Variants in BEGAIN observed in about 807,000 individuals in gnomAD.
BEGAIN encodes the protein brain-enriched guanylate kinase-associated protein.
Under a neutral mutation model 35.8 loss-of-function variants are expected in BEGAIN, and 19 were observed. That is an observed-to-expected ratio of 0.53 (90% CI 0.37 to 0.78). The LOEUF (loss-of-function observed/expected upper bound fraction) is 0.78, where lower values mean the gene tolerates loss of function less well. Ranked by LOEUF, BEGAIN falls within the 30% of genes least tolerant of loss-of-function variation. The pLI is 0.00. For synonymous variants in BEGAIN, 462 were observed against 388.6 expected (o/e 1.19, Z -2.22); for missense variants, 795 against 853.6 (o/e 0.93, Z 0.85).
chr14:100,585,939 A>G (rs905459555), intron 1 of BEGAIN, among the ~76,000 whole-genome samples: 1 of 152,274 alleles, frequency 6.6e-6, no homozygotes, highest in Non-Finnish European at 1.5e-5. Context: ...CATCTGCCAC[A>G]GTGCTTGCTT....
chr14:100,554,888 A>C (rs913065153), intron 2 of BEGAIN, among the ~76,000 whole-genome samples: 1 of 151,700 alleles, frequency 6.6e-6, no homozygotes, highest in Admixed American at 6.6e-5. Flanking sequence ...GGCCCCCCCC[A>C]CCTTCCCGCC....
rs1392980214 is a variant in BEGAIN, at chr14:100,539,131, A to C, written c.677T>G (p.Leu226Arg). Residue 226 changes from leucine to arginine, a missense_variant, in exon 7 of 7, where the codon CTG (leucine) becomes CGG (arginine). By Grantham distance (102) the Leu-to-Arg change is moderately radical (BLOSUM62 -2). Around this residue, in one of 3 missense-constraint regions of BEGAIN, gnomAD observed 664 missense variants for 647.7 expected, o/e 1.03. Transcript: ENST00000554140. ...SRLSDASARD[L>R]AFCDGVEKPG... ...TTTCTCCACCCCGTCGCAGAAGGCC[A>C]GGTCGCGGGCGGAGGCATCGGACAG... 2 of 1,605,084 alleles carry C rather than the reference A, an allele frequency of 1.2e-6. No individual in the cohort carries two copies. The highest frequency in any genetic ancestry group is 8.5e-7 in the Non-Finnish European group (1 of 1,174,114).
chr14:100,561,189 G>A (rs866219050), intron 2 of BEGAIN, among the ~76,000 whole-genome samples: 4 of 152,162 alleles, frequency 2.6e-5, no homozygotes, highest in Non-Finnish European at 4.4e-5. Flanking sequence ...GGAAGAGCTG[G>A]CCCCGCCCCC....
At chr14:100,551,010 C>T (rs146803536) in intron 2 of BEGAIN, among the ~76,000 whole-genome samples, 87 of 152,234 alleles carry the variant, frequency 5.7e-4, no homozygotes, top group Middle Eastern at 6.8e-3. Flanking sequence ...CTGCATCTGT[C>T]GGGTGCCTGC....
chr14:100,582,058 G>T (rs1200667010), intron 1 of BEGAIN, among the ~76,000 whole-genome samples: 6 of 152,264 alleles, frequency 3.9e-5, no homozygotes, highest in African/African-American at 1.2e-4. Context: ...TGCGCCAGGG[G>T]CCGCAGCATA....
At chr14:100,583,692 CTTTTTTT>C (rs56090356) in intron 1 of BEGAIN, among the ~76,000 whole-genome samples, 1 of 108,980 alleles carries the variant, frequency 9.2e-6, no homozygotes. Flanking sequence ...GTTTTTCTTC[CTTTTTTT>C]TTTTTTTTTT....
chr14:100,538,341 G>T lies in BEGAIN; in HGVS notation c.1467C>A (p.Ser489Arg), dbSNP rs375595986. The change falls in exon 7 of 7, where the codon AGC becomes AGA. Residue 489 changes from serine (S) to arginine (R), a missense_variant. Ser to Arg is a moderately radical substitution (Grantham distance 110, BLOSUM62 -1). Transcript: ENST00000554140. ...CCTCGGAGAAGCTGTCGGCCTTGTA[G>T]CTGGCGTAGAGCGGGCTGGCGCGGC... ...ADGRASPLYA[S>R]YKADSFSEGD... 3 of 1,519,196 alleles carry T rather than the reference G, an allele frequency of 2.0e-6. No individual in the cohort carries two copies. Among genetic ancestry groups the T allele is most frequent in the Non-Finnish European group, 1.8e-6 (2 of 1,140,626 alleles). The allele number at this position is 1,519,196 out of a possible 1,614,324, so 94.1% of individuals were successfully genotyped here.
rs1432171672 is a variant in BEGAIN at position 100,563,406 on chromosome 14, A to G, written c.71+4505T>C. Reference sequence around the variant, plus strand: ...AAAACCTGACACATTCAACAAAATTAAAATTAAGAACTTTTGTTCATAGAA... The same window carrying G: ...AAAACCTGACACATTCAACAAAATTGAAATTAAGAACTTTTGTTCATAGAA... On this transcript the variant is annotated intron_variant, in intron 2 of 6. Transcript: ENST00000554140. This position sits in a 1 kb window ranked among gnomAD's most constrained non-coding sequence, Gnocchi z 4.2. Among the ~76,000 whole-genome samples, 1 of 152,242 alleles carries G rather than the reference A, an allele frequency of 6.6e-6. No homozygotes were observed. The highest frequency in any genetic ancestry group is 1.5e-5 in the Non-Finnish European group (1 of 68,048).
Position 100,568,239 on chromosome 14 carries a change from C to T in BEGAIN, c.43-300G>A. On this transcript the variant is annotated intron_variant, in intron 1 of 6. Transcript: ENST00000554140. The surrounding 1 kb of genome is among the most constrained non-coding windows in gnomAD (Gnocchi z 7.5). ...GGGATGGCCCGGCCAGGGGCGATCTCGGCCTCGCCCGGAGGAGGGGGACTC... is the reference window on the plus strand; with the variant it reads ...GGGATGGCCCGGCCAGGGGCGATCTTGGCCTCGCCCGGAGGAGGGGGACTC... 2 of 632,976 alleles carry T rather than the reference C, an allele frequency of 3.2e-6. No homozygotes were observed. The highest frequency in any genetic ancestry group is 4.4e-6 in the Non-Finnish European group (2 of 456,900). 39.2% of individuals were successfully genotyped at this position (632,976 alleles called of 1,614,324 possible).
At position 100,538,069 on chromosome 14, in the gene BEGAIN, C is replaced by T. The variant is rs115217155; in HGVS notation, c.1739G>A (p.Arg580His). The change falls in exon 7 of 7, where the codon CGC (arginine) becomes CAC (histidine). Residue 580 changes from arginine (R) to histidine (H), a missense_variant. By Grantham distance (29) the Arg-to-His change is conservative. Transcript: ENST00000554140. Reference sequence around the variant, plus strand: ...CGGAAAGGCCTGCTGGGGGCTGAGGCGGGCGGCAGGATGCATTTCCGGGGA... The same window carrying T: ...CGGAAAGGCCTGCTGGGGGCTGAGGTGGGCGGCAGGATGCATTTCCGGGGA... ...EASPEMHPAA[R>H]LSPQQAFPRT... 1.3e-6 allele frequency: 2 copies of T among 1,595,396 alleles called. No individual in the cohort carries two copies. The highest frequency in any genetic ancestry group is 1.3e-5 in the African/African-American group (1 of 74,082).
intron 1 of BEGAIN, among the ~76,000 whole-genome samples, chr14:100,575,419 T>C (rs2139751139): frequency 6.6e-6 from 1 of 152,290 alleles, no homozygotes; most frequent in Non-Finnish European, 1.5e-5. Flanking sequence ...CTTCCCCAGT[T>C]ATCTCTAATG....
rs1026574816 is a variant in BEGAIN, at chr14:100,558,973, G to T, written c.71+8938C>A. On this transcript the variant is annotated intron_variant, in intron 2 of 6. Transcript: ENST00000554140. This position sits in a 1 kb window ranked among gnomAD's most constrained non-coding sequence, Gnocchi z 4.6. Reference sequence around the variant, plus strand: ...GAGATTGGTGTGGCCGGAGCCTGGGGCCTGGGGGTTGTTGGGGGGAGCAGA... The same window carrying T: ...GAGATTGGTGTGGCCGGAGCCTGGGTCCTGGGGGTTGTTGGGGGGAGCAGA... Among the ~76,000 whole-genome samples the T allele has an allele frequency of 6.6e-6, 1 of 152,160 alleles. No individual in the cohort carries two copies. Among genetic ancestry groups the T allele is most frequent in the Non-Finnish European group, 1.5e-5 (1 of 68,014 alleles).
intron 1 of BEGAIN, among the ~76,000 whole-genome samples, chr14:100,581,614 T>C (rs1028731879): frequency 6.6e-6 from 1 of 152,218 alleles, no homozygotes; most frequent in African/African-American, 2.4e-5. Context: ...AAAGGCTCTA[T>C]TTTCTGCTAA....
rs2030923561 is a variant in BEGAIN at position 100,538,350 on chromosome 14, G to A, written c.1458C>T (p.Leu486=). Residue 486 remains leucine (L), a synonymous_variant, in exon 7 of 7, where the codon CTC becomes CTT. Coordinates refer to ENST00000554140, the MANE Select transcript of BEGAIN (RefSeq NM_001385089.1). ...AGCTGTCGGCCTTGTAGCTGGCGTA[G>A]AGCGGGCTGGCGCGGCCGTCGGCCT... ...GKKADGRASP[L]YASYKADSFS... 3.3e-6 allele frequency: 5 copies of A among 1,517,154 alleles called. No individual in the cohort carries two copies. Among genetic ancestry groups the A allele is most frequent in the East Asian group, 2.3e-5 (1 of 43,396 alleles). 94.0% of individuals were successfully genotyped at this position (1,517,154 alleles called of 1,614,324 possible).
At chr14:100,582,501 G>T (rs527935549) in intron 1 of BEGAIN, among the ~76,000 whole-genome samples, 1 of 152,144 alleles carries the variant, frequency 6.6e-6, no homozygotes, top group Non-Finnish European at 1.5e-5. Flanking sequence ...CTGGGAATCC[G>T]CACACTTGTG....
intron 1 of BEGAIN, among the ~76,000 whole-genome samples, chr14:100,583,951 G>C (rs2035380886): frequency 1.3e-5 from 2 of 152,048 alleles, no homozygotes; most frequent in Admixed American, 1.3e-4. Flanking sequence ...CACTCACCTT[G>C]GCCTCCCAAA....
chr14:100,538,334 C>T lies in BEGAIN; in HGVS notation c.1474G>A (p.Ala492Thr). Residue 492 changes from alanine (A) to threonine (T), a missense_variant, in exon 7 of 7, where the codon GCC (alanine) becomes ACC (threonine). Physicochemically the swap from Ala to Thr is moderately conservative, Grantham distance 58 (BLOSUM62 0). Transcript: ENST00000554140. ...RASPLYASYK[A>T]DSFSEGDDLS... ...TCGTCCCCCTCGGAGAAGCTGTCGG[C>T]CTTGTAGCTGGCGTAGAGCGGGCTG... 1 of 1,519,662 alleles carries T rather than the reference C, an allele frequency of 6.6e-7. No homozygotes were observed. Among genetic ancestry groups the T allele is most frequent in the Non-Finnish European group, 8.8e-7 (1 of 1,141,396 alleles). 94.1% of individuals were successfully genotyped at this position (1,519,662 alleles called of 1,614,324 possible).
chr14:100,571,146 C>T (rs1045454772), intron 1 of BEGAIN, among the ~76,000 whole-genome samples: 1 of 152,194 alleles, frequency 6.6e-6, no homozygotes, highest in Non-Finnish European at 1.5e-5. Context: ...GCTGCCTCTT[C>T]CTCCAACACA....
Position 100,540,502 on chromosome 14 carries a change from C to A in BEGAIN, c.486G>T (p.Val162=). The A allele has an allele frequency of 1.3e-6, 2 of 1,598,118 alleles. No homozygotes were observed. Among genetic ancestry groups the A allele is most frequent in the Non-Finnish European group, 1.7e-6 (2 of 1,172,928 alleles). Residue 162 remains valine (V), a synonymous_variant, in exon 6 of 7, where the codon GTG becomes GTT. Transcript: ENST00000554140. ...CSQTYGRVHK[V]SELPSDFQER... is the part of the protein sequence containing the mutation. ...GGCTGCGGGGCCACGTTACCTCAGA[C>A]ACCTTGTGGACCCTGCCGTAGGTCT...
Sources: allele counts gnomAD v4.1 joint callset (sites outside exome capture counted in the v4.1 genomes callset), GRCh38; gene constraint gnomAD v4.1.1; regional missense constraint gnomAD v4.1.1; non-coding constraint Gnocchi (gnomAD v3.1); transcripts MANE v1.5; gene names NCBI Gene and HGNC (gene_info 2026-07-23, HGNC 2026-07-21).